The following ADAMTS2 variants were observed in gnomAD, a reference collection of about 807,000 sequenced individuals.
The protein encoded by ADAMTS2 is ADAM metallopeptidase with thrombospondin type 1 motif 2.
In ADAMTS2, 50 loss-of-function variants were observed where a neutral mutation model predicts 123.0. The observed-to-expected ratio is 0.41, with a 90% confidence interval of 0.32 to 0.51. The LOEUF (loss-of-function observed/expected upper bound fraction) is 0.51. Among genes scored for constraint, ADAMTS2 ranks in the 20% least tolerant of loss-of-function variants. The probability of loss-of-function intolerance (pLI) is 0.35; values close to 1 mark genes in which losing one functional copy is unlikely to be tolerated. For synonymous variants in ADAMTS2, 678 were observed against 695.4 expected (o/e 0.98, Z 0.39); for missense variants, 1,494 against 1,705.2 (o/e 0.88, Z 2.18).
intron 5 of ADAMTS2, among the ~76,000 whole-genome samples, chr5:179,159,148 G>A (rs993804046): frequency 7.2e-5 from 11 of 152,182 alleles, no homozygotes; most frequent in African/African-American, 1.9e-4. Context: ...CAAGCTCTAC[G>A]TCATCTAAGG....
intron 3 of ADAMTS2, among the ~76,000 whole-genome samples, chr5:179,250,727 T>C (rs1765900376): frequency 1.3e-5 from 2 of 152,196 alleles, no homozygotes. Flanking sequence ...GGTCATGCGG[T>C]AACCAAGAAG....
In ADAMTS2 at chr5:179,140,974, ATT is replaced by A. The variant is rs199790194; in HGVS notation, c.1630-941_1630-940del. Among the ~76,000 whole-genome samples the A allele has an allele frequency of 7.8e-4, 111 of 143,076 alleles. 1 individual carries two copies. Among genetic ancestry groups the A allele is most frequent in the South Asian group, 3.8e-3 (17 of 4,466 alleles). The allele number at this position is 143,076 out of a possible 152,430, so 93.9% of individuals were successfully genotyped here. On this transcript the variant is annotated intron_variant, in intron 10 of 21. Coordinates refer to ENST00000251582, the MANE Select transcript of ADAMTS2 (RefSeq NM_014244.5). ...ACCACCACCCCCAGCTAATTTTTGC[ATT>A]TTTTTTTTTTTTATTTTTAGTAGAC...
At chr5:179,198,390 A>G (rs983788557) in intron 4 of ADAMTS2, among the ~76,000 whole-genome samples, 1 of 152,196 alleles carries the variant, frequency 6.6e-6, no homozygotes, top group Non-Finnish European at 1.5e-5. Context: ...AGTGCTTGGA[A>G]GGGAGACCCC....
intron 10 of ADAMTS2, among the ~76,000 whole-genome samples, chr5:179,149,949 A>G (rs1763322852): frequency 6.6e-6 from 1 of 151,942 alleles, no homozygotes. Context: ...CACCAAAATG[A>G]GTGAAGGGCT....
At chr5:179,258,312 A>G (rs910684374) in intron 3 of ADAMTS2, among the ~76,000 whole-genome samples, 1 of 151,786 alleles carries the variant, frequency 6.6e-6, no homozygotes, top group Non-Finnish European at 1.5e-5. Flanking sequence ...CTCCTCGTCA[A>G]CTTGACCCCT....
At position 179,323,659 on chromosome 5, in the gene ADAMTS2, C is replaced by T. The variant is rs1301001515; in HGVS notation, c.534+20108G>A. On this transcript the variant is annotated intron_variant, in intron 2 of 21. Transcript: ENST00000251582. ...TCTGGAGAGAGGCAGCAACCCCAGA[C>T]TTAACAGCACCTGCGCCCGTCAGGG... is the stretch of plus-strand genomic sequence containing the variant. Among the ~76,000 whole-genome samples the T allele has an allele frequency of 3.3e-5, 5 of 152,356 alleles. 1 individual carries two copies. The highest frequency in any genetic ancestry group is 6.8e-3 in the Middle Eastern group (2 of 294).
intron 3 of ADAMTS2, among the ~76,000 whole-genome samples, chr5:179,224,165 C>T (rs1040646060): frequency 2.7e-4 from 41 of 152,238 alleles, no homozygotes; most frequent in African/African-American, 7.9e-4. Flanking sequence ...AGCATGAGGG[C>T]GGCGTGAGGT....
intron 11 of ADAMTS2, among the ~76,000 whole-genome samples, chr5:179,138,867 G>A (rs1473195274): frequency 2.6e-5 from 4 of 152,240 alleles, no homozygotes; most frequent in Non-Finnish European, 5.9e-5. Flanking sequence ...ACCCAGGAGC[G>A]GCCGCAGAGG....
At chr5:179,296,159 G>A (rs1237389753) in intron 2 of ADAMTS2, among the ~76,000 whole-genome samples, 2 of 149,306 alleles carry the variant, frequency 1.3e-5, no homozygotes, top group Admixed American at 1.3e-4. Flanking sequence ...AATGACCACA[G>A]GATCCACACC....
At chr5:179,226,063 G>A (rs542784074) in intron 3 of ADAMTS2, among the ~76,000 whole-genome samples, 41 of 152,260 alleles carry the variant, frequency 2.7e-4, no homozygotes, top group African/African-American at 9.6e-4. Context: ...CCAGAGGTTT[G>A]AGCAGAGGGA....
chr5:179,144,137 T>C (rs1360800798), intron 10 of ADAMTS2, among the ~76,000 whole-genome samples: 2 of 152,122 alleles, frequency 1.3e-5, no homozygotes, highest in African/African-American at 4.8e-5. Context: ...TATAAACTAG[T>C]AATAAATGAT....
intron 2 of ADAMTS2, among the ~76,000 whole-genome samples, chr5:179,306,762 A>C (rs1006042508): frequency 1.1e-4 from 16 of 152,156 alleles, no homozygotes; most frequent in African/African-American, 3.9e-4. Flanking sequence ...TGAAGCTTTG[A>C]TCTCCAGTGC....
At chr5:179,221,432 C>A (rs760126318) in intron 3 of ADAMTS2, among the ~76,000 whole-genome samples, 3 of 152,186 alleles carry the variant, frequency 2.0e-5, no homozygotes. Context: ...CCCACCATGA[C>A]CCTTGGGCAC....
At chr5:179,231,453 C>T (rs963250927) in intron 3 of ADAMTS2, among the ~76,000 whole-genome samples, 4 of 152,216 alleles carry the variant, frequency 2.6e-5, no homozygotes, top group Admixed American at 6.5e-5. Flanking sequence ...AGAAGGAAAC[C>T]GTGGGAGAAG....
chr5:179,295,218 G>C (rs1047382636), intron 2 of ADAMTS2, among the ~76,000 whole-genome samples: 4 of 152,180 alleles, frequency 2.6e-5, no homozygotes, highest in African/African-American at 9.7e-5. Context: ...TTCCTTCCAG[G>C]CTGATGTTCT....
intron 3 of ADAMTS2, among the ~76,000 whole-genome samples, chr5:179,263,676 T>C (rs1440354909): frequency 6.6e-6 from 1 of 152,238 alleles, no homozygotes; most frequent in East Asian, 1.9e-4. Flanking sequence ...TCAAGAGCTC[T>C]GAGAGACATC....
chr5:179,121,892 G>A (rs940748099), intron 20 of ADAMTS2, 142 bp from the exon 21 acceptor site: 9 of 545,688 alleles, frequency 1.6e-5, no homozygotes, highest in Admixed American at 1.0e-4. Context: ...AGGGTCCTCC[G>A]CTGCCAAGTC....
intron 2 of ADAMTS2, among the ~76,000 whole-genome samples, chr5:179,301,051 T>C (rs1756501969): frequency 1.3e-5 from 2 of 151,348 alleles, no homozygotes; most frequent in South Asian, 4.2e-4. Context: ...AAGCCTGGAC[T>C]CCTCACTCTG....
At chr5:179,114,390 G>T (rs1051658495) in intron 21 of ADAMTS2, 66 bp from the exon 22 acceptor site, 1 of 1,511,320 alleles carries the variant, frequency 6.6e-7, no homozygotes. Flanking sequence ...CCCCCACAGG[G>T]TGCAGCTTGC....
Sources: allele counts gnomAD v4.1 joint callset (sites outside exome capture counted in the v4.1 genomes callset), GRCh38; gene constraint gnomAD v4.1.1; transcripts MANE v1.5; gene names NCBI Gene and HGNC (gene_info 2026-07-23, HGNC 2026-07-21).